PCDH15: variants seen among roughly 807,000 people sequenced by gnomAD.
PCDH15 encodes the protein protocadherin-15.
In PCDH15, 129 loss-of-function variants were observed where a neutral mutation model predicts 178.5. That is an observed-to-expected ratio of 0.72 (90% confidence interval 0.63 to 0.84). The LOEUF is 0.84. Ranked by LOEUF, PCDH15 falls within the 40% of genes least tolerant of loss-of-function variation. PCDH15 has a pLI of 0.00. For missense variants in PCDH15, 2,230 were observed against 2,099.9 expected (o/e 1.06, Z -1.21); for synonymous variants, 800 against 732.0 (o/e 1.09, Z -1.50).
intron 2 of PCDH15, among the ~76,000 whole-genome samples, chr10:54,654,729 G>T (rs1293019279): frequency 6.6e-6 from 1 of 152,184 alleles, no homozygotes; most frequent in Non-Finnish European, 1.5e-5. Context: ...TTTCTATGAA[G>T]AACATTTAAA....
intron 9 of PCDH15, among the ~76,000 whole-genome samples, chr10:54,217,005 C>T (rs1456370173): frequency 6.6e-6 from 1 of 151,950 alleles, no homozygotes; most frequent in Non-Finnish European, 1.5e-5. Flanking sequence ...AATATGCTAA[C>T]CTTTAAGAAG....
At chr10:54,889,292 T>C (rs1564606072) in intron 3 of PCDH15, among the ~76,000 whole-genome samples, 1 of 151,786 alleles carries the variant, frequency 6.6e-6, no homozygotes, top group Admixed American at 6.6e-5. Context: ...AATACTGTTT[T>C]ATGGATTGTT....
intron 1 of PCDH15, among the ~76,000 whole-genome samples, chr10:54,695,074 G>A (rs1354321952): frequency 6.6e-6 from 1 of 151,924 alleles, no homozygotes; most frequent in East Asian, 1.9e-4. Flanking sequence ...TAGGGGGAGG[G>A]GGAGGGGGAA....
At chr10:54,954,453 G>A (rs772655392) in intron 2 of PCDH15, among the ~76,000 whole-genome samples, 26 of 150,864 alleles carry the variant, frequency 1.7e-4, no homozygotes, top group Admixed American at 1.4e-3. Context: ...CCCTTCTTAC[G>A]CTCTTCTTAA....
chr10:54,221,601 T>C (rs934261120), intron 9 of PCDH15, among the ~76,000 whole-genome samples: 12 of 113,524 alleles, frequency 1.1e-4, no homozygotes, highest in Non-Finnish European at 1.8e-4. Context: ...GTATGTATTC[T>C]TTTTTTTTTT....
At chr10:55,366,760 T>C (rs1845370366) in intron 2 of PCDH15, among the ~76,000 whole-genome samples, 1 of 152,198 alleles carries the variant, frequency 6.6e-6, no homozygotes, top group Non-Finnish European at 1.5e-5. Flanking sequence ...TCAGAAGTAC[T>C]GTAGCAGCTG....
intron 2 of PCDH15, among the ~76,000 whole-genome samples, chr10:55,158,693 TA>T (rs71014458): frequency 0.59 from 83,383 of 141,668 alleles, 25,771 homozygotes; most frequent in Non-Finnish European, 0.7. Context: ...TTGTTCTAAG[TA>T]AAAAAAAAAA....
At chr10:54,006,819 C>G (rs768215) in intron 20 of PCDH15, among the ~76,000 whole-genome samples, 3,378 of 152,228 alleles carry the variant, frequency 0.022, 51 homozygotes, top group Non-Finnish European at 0.037. Flanking sequence ...AACCTCAGCC[C>G]TTGTTACAAG....
intron 3 of PCDH15, among the ~76,000 whole-genome samples, chr10:54,388,535 T>C (rs1323710819): frequency 6.6e-6 from 1 of 152,194 alleles, no homozygotes; most frequent in Non-Finnish European, 1.5e-5. Flanking sequence ...TGTAAGAGAA[T>C]GACCAAACCT....
At chr10:54,264,102 G>T (rs2057512674) in intron 8 of PCDH15, among the ~76,000 whole-genome samples, 1 of 152,050 alleles carries the variant, frequency 6.6e-6, no homozygotes, top group Non-Finnish European at 1.5e-5. Context: ...CCCTACTTTT[G>T]AGGCTTTGGG....
chr10:54,438,169 T>A (rs2075550174), intron 3 of PCDH15, among the ~76,000 whole-genome samples: 1 of 152,048 alleles, frequency 6.6e-6, no homozygotes, highest in Non-Finnish European at 1.5e-5. Flanking sequence ...AGACCTGTGG[T>A]TGTTTATCCA....
intron 2 of PCDH15, among the ~76,000 whole-genome samples, chr10:55,016,343 A>T (rs2131948911): frequency 6.6e-6 from 1 of 152,176 alleles, no homozygotes; most frequent in South Asian, 2.1e-4. Flanking sequence ...GAAATAATAG[A>T]TCTTATTTAT....
chr10:54,571,909 T>A (rs2089901171), intron 2 of PCDH15, among the ~76,000 whole-genome samples: 1 of 152,076 alleles, frequency 6.6e-6, no homozygotes, highest in South Asian at 2.1e-4. Context: ...CTCAGAAGGT[T>A]GGAAAATGGA....
chr10:54,572,948 A>C (rs570453998), intron 2 of PCDH15, among the ~76,000 whole-genome samples: 3 of 152,158 alleles, frequency 2.0e-5, no homozygotes, highest in Non-Finnish European at 2.9e-5. Context: ...ATCCTTGAGG[A>C]AATCACATAC....
At chr10:54,423,155 A>T (rs765770435) in intron 3 of PCDH15, among the ~76,000 whole-genome samples, 3 of 152,094 alleles carry the variant, frequency 2.0e-5, no homozygotes, top group Non-Finnish European at 4.4e-5. Context: ...ATTGATATTT[A>T]GTTATTCACC....
intron 17 of PCDH15, among the ~76,000 whole-genome samples, chr10:54,072,003 C>T (rs1334271811): frequency 1.3e-5 from 2 of 151,794 alleles, no homozygotes; most frequent in African/African-American, 4.8e-5. Context: ...ATAATTTGTA[C>T]TACATGCTGA....
At chr10:54,902,191 A>G (rs571483928) in intron 2 of PCDH15, among the ~76,000 whole-genome samples, 2 of 152,314 alleles carry the variant, frequency 1.3e-5, no homozygotes, top group South Asian at 4.1e-4. Flanking sequence ...AATAAGCTCT[A>G]TACCTACTTT....
intron 2 of PCDH15, among the ~76,000 whole-genome samples, chr10:55,569,455 A>G (rs74638556): frequency 3.1e-3 from 473 of 152,118 alleles, no homozygotes; most frequent in African/African-American, 0.011. Context: ...GTGTTCATTT[A>G]TTCAGGTGTG....
intron 2 of PCDH15, among the ~76,000 whole-genome samples, chr10:55,607,853 C>G (rs892954408): frequency 6.7e-6 from 1 of 150,322 alleles, no homozygotes; most frequent in African/African-American, 2.4e-5. Context: ...ACATATGTAA[C>G]TAACCTGCAC....
Sources: allele counts gnomAD v4.1 joint callset (sites outside exome capture counted in the v4.1 genomes callset), GRCh38; gene constraint gnomAD v4.1.1; transcripts MANE v1.5; gene names NCBI Gene and HGNC (gene_info 2026-07-23, HGNC 2026-07-21).